The following THSD7B variants were observed in gnomAD, a reference collection of about 807,000 sequenced individuals.
THSD7B encodes thrombospondin type-1 domain-containing protein 7B.
In THSD7B, 138 loss-of-function variants were observed where a neutral mutation model predicts 213.6. The observed-to-expected ratio is 0.65, with a 90% CI of 0.56 to 0.74. The LOEUF is 0.74. Among genes scored for constraint, THSD7B ranks in the 30% least tolerant of loss-of-function variants. The pLI is 0.00. For missense variants in THSD7B, 1,931 were observed against 1,991.5 expected (o/e 0.97, Z 0.58); for synonymous variants, 742 against 687.0 (o/e 1.08, Z -1.25).
chr2:137,425,297 A>G (rs1018109771), intron 14 of THSD7B, among the ~76,000 whole-genome samples: 3 of 151,628 alleles, frequency 2.0e-5, no homozygotes, highest in African/African-American at 7.3e-5. Flanking sequence ...AATCACTCCA[A>G]CCTCCACCTC....
intron 3 of THSD7B, among the ~76,000 whole-genome samples, chr2:137,088,929 T>C (rs908560015): frequency 6.6e-6 from 1 of 152,152 alleles, no homozygotes; most frequent in Non-Finnish European, 1.5e-5. Context: ...GGATATCACC[T>C]TACTCCTACA....
intron 5 of THSD7B, 69 bp from the exon 6 acceptor site, chr2:137,160,144 A>T (rs569923513): frequency 6.7e-7 from 1 of 1,494,942 alleles, no homozygotes; most frequent in East Asian, 2.3e-5. Context: ...AGGCATGCAA[A>T]TAAAGGCAGA....
chr2:136,971,255 G>T (rs1225089258), intron 2 of THSD7B, among the ~76,000 whole-genome samples: 5 of 152,116 alleles, frequency 3.3e-5, no homozygotes, highest in African/African-American at 2.4e-5. Flanking sequence ...GCATTGATAG[G>T]TCATTAGATA....
At chr2:136,788,655 A>T (rs1681911280) in intron 1 of THSD7B, among the ~76,000 whole-genome samples, 1 of 152,170 alleles carries the variant, frequency 6.6e-6, no homozygotes, top group African/African-American at 2.4e-5. Context: ...TTAGAACTAA[A>T]GCAGGATAAA....
rs149265681 is a variant in THSD7B, at chr2:137,575,001, TGTGA to T, written c.3423+2446_3423+2449del. 3.9e-3 allele frequency among the ~76,000 whole-genome samples: 595 copies of T among 152,200 alleles called. 4 individuals carry two copies. Among genetic ancestry groups the T allele is most frequent in the African/African-American group, 0.014 (572 of 41,550 alleles). On this transcript the variant is annotated intron_variant, in intron 17 of 27. Transcript: ENST00000409968. ...CAAATTCTCCTTTGATAGTCTGCAGTGTGACATATGATATTGGGACAAATTCACT... is the reference window on the plus strand; with the variant it reads ...CAAATTCTCCTTTGATAGTCTGCAGTCATATGATATTGGGACAAATTCACT...
At chr2:136,856,821 C>A (rs890839541) in intron 1 of THSD7B, among the ~76,000 whole-genome samples, 64 of 152,132 alleles carry the variant, frequency 4.2e-4, no homozygotes, top group African/African-American at 1.5e-3. Context: ...CAGCCATGAG[C>A]TGGATATTTG....
chr2:136,898,569 T>A (rs1684004843), intron 2 of THSD7B, among the ~76,000 whole-genome samples: 1 of 105,916 alleles, frequency 9.4e-6, no homozygotes, highest in African/African-American at 2.9e-5. Context: ...TTAGCTCCCC[T>A]TGTCCCCCCG....
In THSD7B at chr2:137,528,150, G is replaced by C. The variant is rs76859428; in HGVS notation, c.3139-35071G>C. ...TGAACCTAAAATTGTGCCCAATCTT[G>C]TTGGCCCAAAATTGATGTTTGTTGT... is the stretch of plus-strand genomic sequence containing the variant. On this transcript the variant is annotated intron_variant, in intron 15 of 27. Coordinates refer to ENST00000409968, the MANE Select transcript of THSD7B (RefSeq NM_001316349.2). Among the ~76,000 whole-genome samples, 18 of 152,106 alleles carry C rather than the reference G, an allele frequency of 1.2e-4. 1 individual carries two copies. The South Asian group carries it at 1.7e-3, about 14-fold the overall frequency.
At chr2:137,477,364 C>G (rs1029018013) in intron 15 of THSD7B, among the ~76,000 whole-genome samples, 2 of 152,008 alleles carry the variant, frequency 1.3e-5, no homozygotes, top group Non-Finnish European at 2.9e-5. Flanking sequence ...ATATCTTTTT[C>G]CATTCCTTTA....
intron 7 of THSD7B, among the ~76,000 whole-genome samples, chr2:137,180,063 T>G (rs1680426022): frequency 6.6e-6 from 1 of 152,130 alleles, no homozygotes; most frequent in African/African-American, 2.4e-5. Flanking sequence ...AACGTTAAAT[T>G]TATTTAGGTC....
At chr2:137,199,322 C>T (rs1680831321) in intron 7 of THSD7B, among the ~76,000 whole-genome samples, 1 of 152,024 alleles carries the variant, frequency 6.6e-6, no homozygotes, top group African/African-American at 2.4e-5. Flanking sequence ...AATGTATGCC[C>T]ACTGTAAATA....
rs571924191 is a variant in THSD7B at position 136,782,330 on chromosome 2, C to T, written c.-36+16643C>T. On this transcript the variant is annotated intron_variant, in intron 1 of 27. Coordinates refer to ENST00000409968, the MANE Select transcript of THSD7B (RefSeq NM_001316349.2). ...CTCTCTTGGTGGCTCCAGTTCTGGG[C>T]TCTGCTAATTCCACCTCCTTCATTG... Among the ~76,000 whole-genome samples, 6 of 152,264 alleles carry T rather than the reference C, an allele frequency of 3.9e-5. No homozygotes were observed. In the East Asian group the frequency reaches 7.7e-4, roughly 20 times the overall value.
chr2:137,508,788 G>C (rs1469396119), intron 15 of THSD7B, among the ~76,000 whole-genome samples: 3 of 152,000 alleles, frequency 2.0e-5, no homozygotes, highest in Admixed American at 2.0e-4. Flanking sequence ...GAAACTTATG[G>C]GTTGGAGCAC....
chr2:137,423,270 A>C (rs185601361), intron 14 of THSD7B, among the ~76,000 whole-genome samples: 2 of 152,244 alleles, frequency 1.3e-5, no homozygotes, highest in East Asian at 3.9e-4. Context: ...ATTCAGCACC[A>C]TGCTGGAGGT....
intron 15 of THSD7B, among the ~76,000 whole-genome samples, chr2:137,489,609 C>G (rs1688560204): frequency 6.6e-6 from 1 of 152,100 alleles, no homozygotes; most frequent in Admixed American, 6.6e-5. Flanking sequence ...AAGTTTCTTA[C>G]AGTAGCCTTT....
At chr2:137,091,145 G>A (rs1346677150) in intron 3 of THSD7B, among the ~76,000 whole-genome samples, 7 of 152,118 alleles carry the variant, frequency 4.6e-5, no homozygotes, top group Middle Eastern at 3.2e-3. Flanking sequence ...ATCCCTTTTC[G>A]AAAATATAAA....
chr2:136,916,739 T>C (rs183508546), intron 2 of THSD7B, among the ~76,000 whole-genome samples: 2 of 152,336 alleles, frequency 1.3e-5, no homozygotes, highest in East Asian at 3.9e-4. Context: ...AGATAGTTCA[T>C]CAGTGTGAAG....
At chr2:137,273,541 T>C (rs1353315010) in intron 11 of THSD7B, among the ~76,000 whole-genome samples, 2 of 152,232 alleles carry the variant, frequency 1.3e-5, no homozygotes, top group African/African-American at 2.4e-5. Context: ...AGCAAAAATG[T>C]CCCGTGTTTC....
chr2:136,898,646 CT>C (rs34410826), intron 2 of THSD7B, among the ~76,000 whole-genome samples: 1,691 of 121,058 alleles, frequency 0.014, 47 homozygotes, highest in African/African-American at 0.046. Flanking sequence ...GGAACTGAGA[CT>C]TTTTTTTTTT....
Sources: allele counts gnomAD v4.1 joint callset (sites outside exome capture counted in the v4.1 genomes callset), GRCh38; gene constraint gnomAD v4.1.1; transcripts MANE v1.5; gene names NCBI Gene and HGNC (gene_info 2026-07-23, HGNC 2026-07-21).